The following SLC16A10 variants were observed in gnomAD, a reference collection of about 807,000 sequenced individuals.
SLC16A10 encodes monocarboxylate transporter 10.
SLC16A10 carries 27 observed loss-of-function variants against 40.0 expected under a neutral mutation model. The ratio of observed to expected loss-of-function variants is 0.67; its 90% CI spans 0.50 to 0.93. The LOEUF (loss-of-function observed/expected upper bound fraction) is 0.93. SLC16A10 is among the 40% of genes least tolerant of loss of function. The probability of loss-of-function intolerance (pLI) is 0.00; values close to 1 mark genes in which losing one functional copy is unlikely to be tolerated. For missense variants in SLC16A10, 529 were observed against 658.2 expected (o/e 0.80, Z 2.15); for synonymous variants, 213 against 249.8 (o/e 0.85, Z 1.39).
rs1368457625 is a variant in SLC16A10, at chr6:111,228,218, G to C, written c.*5983G>C. On this transcript the variant is annotated 3_prime_UTR_variant, in exon 6 of 6. Coordinates refer to ENST00000368851, the MANE Select transcript of SLC16A10 (RefSeq NM_018593.5). ...AAAGTTTTGTTTTCATTGGCAAGAG[G>C]GTAGATGATCAGTGATGACAGATTG... 1 of 152,164 alleles carries C rather than the reference G, an allele frequency of 6.6e-6. No individual in the cohort carries two copies. 9.4% of individuals were successfully genotyped at this position (152,164 alleles called of 1,614,324 possible). A position where few individuals can be genotyped will look rare whatever the true frequency, so the allele number is the denominator to read the frequency against.
chr6:111,134,586 T>C (rs933585465), intron 1 of SLC16A10, among the ~76,000 whole-genome samples: 3 of 151,664 alleles, frequency 2.0e-5, no homozygotes, highest in African/African-American at 7.3e-5. Flanking sequence ...GCTTTAGTCA[T>C]GGCCCTCAGG....
Position 111,087,551 on chromosome 6 carries a change from AGGTGTTCGCGCGCGCCAGCTGTCCTCGC to A in SLC16A10, c.-199_-172del. On this transcript the variant is annotated 5_prime_UTR_variant, in exon 1 of 6. Transcript: ENST00000368851. ...CTAGAGGCTTCAGTGTCGATCCCCG[AGGTGTTCGCGCGCGCCAGCTGTCCTCGC>A]GGCCGCCTGCGCGCTGGCCGCCTGC... The A allele has an allele frequency of 4.7e-6, 1 of 214,620 alleles. No individual in the cohort carries two copies. The highest frequency in any genetic ancestry group is 9.0e-6 in the Non-Finnish European group (1 of 110,880). The allele number at this position is 214,620 out of a possible 1,614,324, so 13.3% of individuals were successfully genotyped here. A position where few individuals can be genotyped will look rare whatever the true frequency, so the allele number is the denominator to read the frequency against.
intron 4 of SLC16A10, among the ~76,000 whole-genome samples, chr6:111,217,158 C>A (rs1420473420): frequency 6.6e-6 from 1 of 152,246 alleles, no homozygotes; most frequent in Non-Finnish European, 1.5e-5. Context: ...CTGCTGCTGC[C>A]CCCGTGGGCC....
chr6:111,210,931 G>A (rs1281769545), intron 4 of SLC16A10, among the ~76,000 whole-genome samples: 1 of 151,962 alleles, frequency 6.6e-6, no homozygotes, highest in African/African-American at 2.4e-5. Flanking sequence ...GCTGAGGCAG[G>A]AGAGTCGCTT....
At chr6:111,123,554 G>C (rs1233311095) in intron 1 of SLC16A10, among the ~76,000 whole-genome samples, 1 of 152,196 alleles carries the variant, frequency 6.6e-6, no homozygotes, top group African/African-American at 2.4e-5. Context: ...AAGACCTACT[G>C]GCTAAGACTT....
rs79413841 is a variant in SLC16A10, at chr6:111,178,420, A to G, written c.942+755A>G. ...TTCAAAGGCAAAATTCAGCTTTGTT[A>G]TACTGAAATACGAATAATTAATGTC... is the stretch of plus-strand genomic sequence containing the variant. On this transcript the variant is annotated intron_variant, in intron 3 of 5. Coordinates refer to ENST00000368851, the MANE Select transcript of SLC16A10 (RefSeq NM_018593.5). 8.6e-3 allele frequency: 4,580 copies of G among 532,664 alleles called. 164 individuals are homozygous for G. The highest frequency in any genetic ancestry group is 0.077 in the African/African-American group (3,992 of 52,012). The allele number at this position is 532,664 out of a possible 1,614,324, so 33.0% of individuals were successfully genotyped here. A position where few individuals can be genotyped will look rare whatever the true frequency, so the allele number is the denominator to read the frequency against.
At chr6:111,163,190 T>TCGCC (rs1427687249) in intron 1 of SLC16A10, among the ~76,000 whole-genome samples, 2 of 139,928 alleles carry the variant, frequency 1.4e-5, no homozygotes, top group African/African-American at 2.7e-5. Flanking sequence ...TCTCGCTCTG[T>TCGCC]CGCCCAGGCT....
rs145619333 is a variant in SLC16A10 at position 111,230,627 on chromosome 6, T to G, written c.*8392T>G. The stretch of plus-strand genomic sequence containing the variant: ...GCACAATGCTTGATAAAAGTTGCAT[T>G]TTGCTTTTGTTCTTCCACCAGTTTA... On this transcript the variant is annotated 3_prime_UTR_variant, in exon 6 of 6. Coordinates refer to ENST00000368851, the MANE Select transcript of SLC16A10 (RefSeq NM_018593.5). 1.8e-4 allele frequency: 28 copies of G among 152,298 alleles called. 1 individual carries two copies. The highest frequency in any genetic ancestry group is 6.5e-4 in the African/African-American group (27 of 41,570). 9.4% of individuals were successfully genotyped at this position (152,298 alleles called of 1,614,324 possible).
At chr6:111,115,216 CTTTG>C (rs1771463754) in intron 1 of SLC16A10, among the ~76,000 whole-genome samples, 1 of 151,624 alleles carries the variant, frequency 6.6e-6, no homozygotes, top group African/African-American at 2.4e-5. Flanking sequence ...AAAAAGGTTT[CTTTG>C]TTTGCTTGTT....
At chr6:111,218,744 A>C in intron 4 of SLC16A10, 70 bp from the exon 5 acceptor site, 1 of 1,299,564 alleles carries the variant, frequency 7.7e-7, no homozygotes. Flanking sequence ...TAGAAGTCCT[A>C]AGCATGTTGC....
Position 111,223,584 on chromosome 6 carries a change from C to G in SLC16A10, c.*1349C>G, listed in dbSNP as rs911387063. 6.6e-6 allele frequency: 1 copy of G among 152,168 alleles called. No individual in the cohort carries two copies. The highest frequency in any genetic ancestry group is 1.5e-5 in the Non-Finnish European group (1 of 68,030). 9.4% of individuals were successfully genotyped at this position (152,168 alleles called of 1,614,324 possible). On this transcript the variant is annotated 3_prime_UTR_variant, in exon 6 of 6. Transcript: ENST00000368851. Reference sequence around the variant, plus strand: ...TGCACCTTACCACTTCTAATAGTGTCATATTTCATATTCAGGGGACTTAGA... The same window carrying G: ...TGCACCTTACCACTTCTAATAGTGTGATATTTCATATTCAGGGGACTTAGA...
intron 1 of SLC16A10, among the ~76,000 whole-genome samples, chr6:111,170,075 G>A (rs941145848): frequency 6.6e-6 from 1 of 151,818 alleles, no homozygotes; most frequent in East Asian, 1.9e-4. Flanking sequence ...GAGCCAACAC[G>A]GGCGGCTAAT....
At chr6:111,118,997 C>G (rs1454466389) in intron 1 of SLC16A10, among the ~76,000 whole-genome samples, 1 of 152,156 alleles carries the variant, frequency 6.6e-6, no homozygotes, top group Non-Finnish European at 1.5e-5. Flanking sequence ...AGGGATGGGA[C>G]TTTGAAATGA....
intron 1 of SLC16A10, among the ~76,000 whole-genome samples, chr6:111,097,224 C>T (rs1260604036): frequency 6.6e-6 from 1 of 152,172 alleles, no homozygotes; most frequent in Non-Finnish European, 1.5e-5. Context: ...GTTTGCCTTT[C>T]CTTGTGAGTG....
intron 1 of SLC16A10, among the ~76,000 whole-genome samples, chr6:111,133,759 A>G (rs1452248231): frequency 2.0e-5 from 3 of 152,228 alleles, no homozygotes; most frequent in Non-Finnish European, 2.9e-5. Context: ...TTTCAACCCA[A>G]ACAGTCCAAA....
intron 3 of SLC16A10, 70 bp from the exon 4 acceptor site, chr6:111,206,522 G>A: frequency 1.3e-6 from 2 of 1,571,694 alleles, no homozygotes; most frequent in South Asian, 1.1e-5. Context: ...AAATGCATTT[G>A]ATGCAAAGCC....
In SLC16A10 at chr6:111,087,605, G is replaced by C. The variant is rs1770889185; in HGVS notation, c.-148G>C. The C allele has an allele frequency of 3.0e-6, 1 of 335,536 alleles. No individual in the cohort carries two copies. The highest frequency in any genetic ancestry group is 5.0e-6 in the Non-Finnish European group (1 of 200,602). 20.8% of individuals were successfully genotyped at this position (335,536 alleles called of 1,614,324 possible). On this transcript the variant is annotated 5_prime_UTR_variant, in exon 1 of 6. Coordinates refer to ENST00000368851, the MANE Select transcript of SLC16A10 (RefSeq NM_018593.5). ...GGCCGCCTGCGCGCTGGCCGCCTGC[G>C]CGCTGCCAGCCCGCCCGCCCGCCAG...
At chr6:111,220,219 A>C (rs1401520739) in intron 5 of SLC16A10, among the ~76,000 whole-genome samples, 1 of 152,212 alleles carries the variant, frequency 6.6e-6, no homozygotes, top group East Asian at 1.9e-4. Context: ...CTTAATTGGA[A>C]TGAAGTGTCC....
chr6:111,120,597 T>C (rs1771565646), intron 1 of SLC16A10, among the ~76,000 whole-genome samples: 1 of 152,262 alleles, frequency 6.6e-6, no homozygotes, highest in Admixed American at 6.5e-5. Flanking sequence ...TTTGTTTCTT[T>C]AGTTATCTTG....
Sources: allele counts gnomAD v4.1 joint callset (sites outside exome capture counted in the v4.1 genomes callset), GRCh38; gene constraint gnomAD v4.1.1; transcripts MANE v1.5; gene names NCBI Gene and HGNC (gene_info 2026-07-23, HGNC 2026-07-21).